Variants in ZNF107 observed in about 807,000 individuals in gnomAD.
ZNF107 encodes the protein C2H2 type zinc-finger protein.
In ZNF107, 19 loss-of-function variants were observed where a neutral mutation model predicts 12.3. The ratio of observed to expected loss-of-function variants is 1.55; its 90% CI spans 1.08 to 2.27. ZNF107 has a LOEUF of 2.27. Among genes scored for constraint, ZNF107 ranks in the 30% most tolerant of loss-of-function variants. The pLI is 0.00. For synonymous variants in ZNF107, 317 were observed against 330.5 expected (o/e 0.96, Z 0.44); for missense variants, 958 against 979.9 (o/e 0.98, Z 0.30).
chr7:64,688,997 C>T (rs930464975), intron 1 of ZNF107, among the ~76,000 whole-genome samples: 15 of 152,154 alleles, frequency 9.9e-5, no homozygotes, highest in African/African-American at 3.6e-4. Context: ...AATCCACTTG[C>T]AGCTGCGCTA....
intron 1 of ZNF107, among the ~76,000 whole-genome samples, chr7:64,683,652 G>C (rs77555400): frequency 7.9e-5 from 12 of 152,154 alleles, no homozygotes; most frequent in African/African-American, 2.9e-4. Context: ...ACAAGCCTTT[G>C]GCTCGCCTCC....
At chr7:64,702,737 A>G (rs1197436440) in intron 3 of ZNF107, among the ~76,000 whole-genome samples, 1 of 151,866 alleles carries the variant, frequency 6.6e-6, no homozygotes, top group South Asian at 2.1e-4. Context: ...TTGTATTTTT[A>G]GTAGAGACGG....
At chr7:64,668,997 ATTTTTTTTTTTTTTTTTTTTT>A (rs55942111) in intron 1 of ZNF107, 16 of 57,596 alleles carry the variant, frequency 2.8e-4, no homozygotes, top group African/African-American at 9.3e-4. Context: ...GATAACGCTA[ATTTTTTTTTTTTTTTTTTTTT>A]TTTTTTTTTT....
chr7:64,679,291 T>A lies in ZNF107; in HGVS notation c.4-11957T>A, dbSNP rs933300834. 4.2e-5 allele frequency: 41 copies of A among 985,126 alleles called. No homozygotes were observed. The African/African-American group carries it at 6.8e-4, about 16-fold the overall frequency. The allele number at this position is 985,126 out of a possible 1,614,324, so 61.0% of individuals were successfully genotyped here. On this transcript the variant is annotated intron_variant, in intron 1 of 3. Transcript: ENST00000620827. ...TGAAGAGACCCACCCGCGACCTCGGTACCTCGGACCAGCTCTGTAAAAGCC... is the reference window on the plus strand; with the variant it reads ...TGAAGAGACCCACCCGCGACCTCGGAACCTCGGACCAGCTCTGTAAAAGCC...
rs771228692 is a variant in ZNF107 at position 64,707,198 on chromosome 7, AC to A, written c.1102del (p.Leu368SerfsTer15). 8 of 1,613,448 alleles carry A rather than the reference AC, an allele frequency of 5.0e-6. No individual in the cohort carries two copies. The Admixed American group carries it at 1.3e-4, about 27-fold the overall frequency. On this transcript the variant is annotated frameshift_variant, in exon 4 of 4. Transcript: ENST00000620827. LOFTEE classifies it low-confidence loss of function (END_TRUNC). ...AGGAGAAAATTCATACTGGAGGGAAACTCAACAAATGTGAAGAATGTGACAA... is the reference window on the plus strand; with the variant it reads ...AGGAGAAAATTCATACTGGAGGGAAATCAACAAATGTGAAGAATGTGACAA... ...KQEKIHTGGK[L>X]NKCEECDKAF...
chr7:64,692,736 C>T (rs911897653), intron 3 of ZNF107, among the ~76,000 whole-genome samples: 17 of 152,050 alleles, frequency 1.1e-4, no homozygotes, highest in Admixed American at 7.2e-4. Context: ...AATTTGTTCT[C>T]AAGAATATAT....
chr7:64,682,787 A>G (rs1010301240), intron 1 of ZNF107, among the ~76,000 whole-genome samples: 2 of 150,086 alleles, frequency 1.3e-5, no homozygotes, highest in Non-Finnish European at 3.0e-5. Context: ...TCACACAACT[A>G]CTCTCCTCCC....
chr7:64,710,602 A>T lies in ZNF107; in HGVS notation c.*1946A>T, dbSNP rs1012659545. On this transcript the variant is annotated 3_prime_UTR_variant, in exon 4 of 4. Transcript: ENST00000620827. ...TAAAAGAAGTAGAATTTTTTTGTAG[A>T]TGTATAATTACATTCAAATTATATT... The T allele has an allele frequency of 2.0e-5, 3 of 152,060 alleles. No homozygotes were observed. Among genetic ancestry groups the T allele is most frequent in the Non-Finnish European group, 4.4e-5 (3 of 67,988 alleles). The allele number at this position is 152,060 out of a possible 1,614,324, so 9.4% of individuals were successfully genotyped here.
At position 64,688,542 on chromosome 7, in the gene ZNF107, G is replaced by C. The variant is rs73136792; in HGVS notation, c.4-2706G>C. ...CAAAGTGCTGGTGTTACAGGTATGA[G>C]CCACCACACCCAACCCCTTCTTCCT... On this transcript the variant is annotated intron_variant, in intron 1 of 3. Coordinates refer to ENST00000620827, the MANE Select transcript of ZNF107 (RefSeq NM_001282359.2). Among the ~76,000 whole-genome samples, 740 of 152,128 alleles carry C rather than the reference G, an allele frequency of 4.9e-3. 3 individuals carry two copies. The highest frequency in any genetic ancestry group is 8.8e-3 in the Non-Finnish European group (595 of 67,996).
chr7:64,686,052 C>T (rs940656321), intron 1 of ZNF107, among the ~76,000 whole-genome samples: 1 of 152,132 alleles, frequency 6.6e-6, no homozygotes, highest in African/African-American at 2.4e-5. Context: ...CCCTTACTCT[C>T]CAATCCCAAA....
intron 3 of ZNF107, among the ~76,000 whole-genome samples, chr7:64,695,575 T>A (rs958831842): frequency 6.6e-6 from 1 of 152,218 alleles, no homozygotes; most frequent in Non-Finnish European, 1.5e-5. Context: ...GTTTGTACAC[T>A]TTTAAGTCAA....
chr7:64,699,648 C>G (rs1044774054), intron 3 of ZNF107, among the ~76,000 whole-genome samples: 5 of 152,170 alleles, frequency 3.3e-5, no homozygotes, highest in Non-Finnish European at 7.4e-5. Context: ...CCATGCTGGT[C>G]TCAAACTTCT....
At chr7:64,674,913 T>C (rs918555447) in intron 1 of ZNF107, among the ~76,000 whole-genome samples, 3 of 152,224 alleles carry the variant, frequency 2.0e-5, no homozygotes, top group African/African-American at 7.2e-5. Flanking sequence ...CATTTATTGA[T>C]TTGTGTATGT....
At position 64,709,746 on chromosome 7, in the gene ZNF107, T is replaced by C. The variant is rs1790821892; in HGVS notation, c.*1090T>C. On this transcript the variant is annotated 3_prime_UTR_variant, in exon 4 of 4. Coordinates refer to ENST00000620827, the MANE Select transcript of ZNF107 (RefSeq NM_001282359.2). ...CCATTATTATCTGCTCAGATTTTAC[T>C]CAACATTAGAGAGTTAGTACGTAAT... 1 of 455,532 alleles carries C rather than the reference T, an allele frequency of 2.2e-6. No individual in the cohort carries two copies. Among genetic ancestry groups the C allele is most frequent in the South Asian group, 1.6e-5 (1 of 64,394 alleles). 28.2% of individuals were successfully genotyped at this position (455,532 alleles called of 1,614,324 possible). A position where few individuals can be genotyped will look rare whatever the true frequency, so the allele number is the denominator to read the frequency against.
chr7:64,701,826 G>A (rs1408168721), intron 3 of ZNF107, among the ~76,000 whole-genome samples: 23 of 152,028 alleles, frequency 1.5e-4, no homozygotes, highest in Non-Finnish European at 1.8e-4. Context: ...TTGTTATGTT[G>A]CCTAGGCTGG....
intron 1 of ZNF107, chr7:64,686,997 GTA>G (rs1327777525): frequency 4.1e-6 from 4 of 985,350 alleles, no homozygotes; most frequent in Admixed American, 6.1e-5. Flanking sequence ...CATACTGAGG[GTA>G]GCTGTGCACT....
At chr7:64,681,685 A>G (rs929121044) in intron 1 of ZNF107, among the ~76,000 whole-genome samples, 5 of 152,072 alleles carry the variant, frequency 3.3e-5, no homozygotes, top group East Asian at 1.9e-4. Context: ...CACCCCTAAA[A>G]GGCCTAAAGC....
chr7:64,697,972 G>T (rs886657521), intron 3 of ZNF107, among the ~76,000 whole-genome samples: 1 of 152,100 alleles, frequency 6.6e-6, no homozygotes, highest in Non-Finnish European at 1.5e-5. Flanking sequence ...GAGCCACCGC[G>T]CCCGGCCGGT....
Position 64,709,750 on chromosome 7 carries a change from C to CT in ZNF107, c.*1094_*1095insT, listed in dbSNP as rs1171014737. The CT allele has an allele frequency of 1.6e-4, 72 of 455,298 alleles. No individual in the cohort carries two copies. The highest frequency in any genetic ancestry group is 1.3e-3 in the African/African-American group (66 of 50,118). 28.2% of individuals were successfully genotyped at this position (455,298 alleles called of 1,614,324 possible). A position where few individuals can be genotyped will look rare whatever the true frequency, so the allele number is the denominator to read the frequency against. On this transcript the variant is annotated 3_prime_UTR_variant, in exon 4 of 4. Transcript: ENST00000620827. ...TATTATCTGCTCAGATTTTACTCAA[C>CT]ATTAGAGAGTTAGTACGTAATAAAA...
Sources: gnomAD v4.1 joint callset for allele counts (sites outside exome capture counted in the v4.1 genomes callset) on GRCh38, gnomAD v4.1.1 for gene constraint, MANE v1.5 for transcripts, NCBI Gene and HGNC (gene_info 2026-07-23, HGNC 2026-07-21) for gene names.